ADCY5: variants seen among roughly 807,000 people sequenced by gnomAD.
ADCY5 encodes adenylate cyclase 5.
ADCY5 carries 30 observed loss-of-function variants against 119.7 expected under a neutral mutation model. The ratio of observed to expected loss-of-function variants is 0.25; its 90% CI spans 0.19 to 0.34. The LOEUF is 0.34. ADCY5 is among the 10% of genes least tolerant of loss of function. The pLI, the probability that ADCY5 is intolerant of heterozygous loss-of-function variation, is 1.00. For synonymous variants in ADCY5, 753 were observed against 762.2 expected (o/e 0.99, Z 0.20); for missense variants, 1,324 against 1,775.2 (o/e 0.75, Z 4.57).
intron 12 of ADCY5, among the ~76,000 whole-genome samples, chr3:123,308,816 G>A (rs934498699): frequency 7.7e-6 from 1 of 129,992 alleles, no homozygotes; most frequent in South Asian, 2.5e-4. Context: ...GCAACAGAGC[G>A]AGACTCTGTC....
chr3:123,407,822 T>G (rs776619270), intron 1 of ADCY5, among the ~76,000 whole-genome samples: 6 of 124,374 alleles, frequency 4.8e-5, no homozygotes, highest in Admixed American at 1.6e-4. Flanking sequence ...TACATATTGT[T>G]ATGATTCCAC....
chr3:123,353,310 T>TA (rs1427990534), intron 1 of ADCY5, among the ~76,000 whole-genome samples: 6 of 152,168 alleles, frequency 3.9e-5, no homozygotes, highest in African/African-American at 1.2e-4. Context: ...AGGGAATACT[T>TA]ACTGAAAAGC....
In ADCY5 at chr3:123,436,695, G is replaced by T. The variant is rs369889354; in HGVS notation, c.1134+10717C>A. ...CACTCCAGCCTGGGTGACAAAGCAAGACTCCATCTCAAAAAATAATAATAA... is the reference window on the plus strand; with the variant it reads ...CACTCCAGCCTGGGTGACAAAGCAATACTCCATCTCAAAAAATAATAATAA... On this transcript the variant is annotated intron_variant, in intron 1 of 20. Coordinates refer to ENST00000462833, the MANE Select transcript of ADCY5 (RefSeq NM_183357.3). 3.7e-4 allele frequency among the ~76,000 whole-genome samples: 57 copies of T among 152,212 alleles called. 1 individual carries two copies. The highest frequency in any genetic ancestry group is 1.3e-3 in the African/African-American group (53 of 41,526).
intron 1 of ADCY5, among the ~76,000 whole-genome samples, chr3:123,425,458 T>G (rs1945386922): frequency 6.6e-6 from 1 of 152,134 alleles, no homozygotes; most frequent in Non-Finnish European, 1.5e-5. Context: ...GGTCTGTGGG[T>G]GGTTTCATTG....
intron 1 of ADCY5, among the ~76,000 whole-genome samples, chr3:123,421,192 T>C (rs952101611): frequency 6.6e-6 from 1 of 152,238 alleles, no homozygotes; most frequent in Non-Finnish European, 1.5e-5. Flanking sequence ...AGGTGCTTAT[T>C]GTTCTGTTGA....
intron 1 of ADCY5, among the ~76,000 whole-genome samples, chr3:123,431,996 T>C (rs1263316194): frequency 1.3e-5 from 2 of 152,164 alleles, no homozygotes; most frequent in Non-Finnish European, 2.9e-5. Context: ...CCGACGTACC[T>C]GGGCACCGGG....
chr3:123,367,627 CGT>C (rs1943492066), intron 1 of ADCY5, among the ~76,000 whole-genome samples: 1 of 151,984 alleles, frequency 6.6e-6, no homozygotes, highest in Non-Finnish European at 1.5e-5. Context: ...TGGTGCCAGC[CGT>C]GTAGGTGGAG....
At chr3:123,415,355 G>A (rs1288346823) in intron 1 of ADCY5, among the ~76,000 whole-genome samples, 6 of 152,110 alleles carry the variant, frequency 3.9e-5, no homozygotes, top group African/African-American at 1.4e-4. Flanking sequence ...CCACCTCCAC[G>A]CCAGAGCCAG....
chr3:123,384,394 C>A (rs1413435948), intron 1 of ADCY5, among the ~76,000 whole-genome samples: 1 of 152,204 alleles, frequency 6.6e-6, no homozygotes, highest in Non-Finnish European at 1.5e-5. Flanking sequence ...ATGACTGAGT[C>A]GCCCTGGGTC....
intron 1 of ADCY5, among the ~76,000 whole-genome samples, chr3:123,383,495 T>C (rs1292868769): frequency 5.9e-5 from 9 of 152,152 alleles, no homozygotes; most frequent in Non-Finnish European, 1.3e-4. Context: ...AATGTGAAGA[T>C]GCTCACAGCT....
chr3:123,347,334 G>A (rs189064297), intron 3 of ADCY5, among the ~76,000 whole-genome samples: 1 of 152,276 alleles, frequency 6.6e-6, no homozygotes, highest in Admixed American at 6.5e-5. Context: ...GCTGTCAGGA[G>A]GACTGGTGAT....
chr3:123,358,557 ACC>A (rs1943126662), intron 1 of ADCY5, among the ~76,000 whole-genome samples: 1 of 152,168 alleles, frequency 6.6e-6, no homozygotes, highest in Non-Finnish European at 1.5e-5. Context: ...CTATGACCAT[ACC>A]ACTGCACTCT....
chr3:123,407,589 T>A (rs1268464254), intron 1 of ADCY5, among the ~76,000 whole-genome samples: 69 of 94,108 alleles, frequency 7.3e-4, no homozygotes, highest in East Asian at 9.8e-4. Context: ...CTATCTCTAC[T>A]AAAAAAAAAA....
intron 1 of ADCY5, among the ~76,000 whole-genome samples, chr3:123,406,515 G>A (rs1217305636): frequency 6.6e-6 from 1 of 152,234 alleles, no homozygotes; most frequent in Non-Finnish European, 1.5e-5. Context: ...GGCAGTCACA[G>A]AGATTATTGT....
chr3:123,418,681 C>T (rs1945236502), intron 1 of ADCY5: 1 of 152,236 alleles, frequency 6.6e-6, no homozygotes, highest in African/African-American at 2.4e-5. Flanking sequence ...GACCCACACA[C>T]CTTCCACTAG....
intron 1 of ADCY5, among the ~76,000 whole-genome samples, chr3:123,363,143 GA>G (rs58854772): frequency 0.14 from 7,174 of 50,038 alleles, 370 homozygotes; most frequent in East Asian, 0.32. Flanking sequence ...ATTCCTTCTT[GA>G]AAAAAAAAAA....
chr3:123,393,655 T>C (rs771711777), intron 1 of ADCY5, among the ~76,000 whole-genome samples: 18 of 152,162 alleles, frequency 1.2e-4, no homozygotes, highest in Non-Finnish European at 2.4e-4. Flanking sequence ...ATGTGCAAAG[T>C]GCCCATATGG....
intron 1 of ADCY5, among the ~76,000 whole-genome samples, chr3:123,372,171 G>T (rs1266963847): frequency 2.0e-5 from 3 of 152,020 alleles, no homozygotes; most frequent in Admixed American, 6.5e-5. Context: ...ACCTCAATTT[G>T]CCCCATGTTC....
At chr3:123,294,710 C>T (rs1056323277) in intron 17 of ADCY5, among the ~76,000 whole-genome samples, 3 of 152,168 alleles carry the variant, frequency 2.0e-5, no homozygotes, top group Non-Finnish European at 4.4e-5. Flanking sequence ...GGACCAGCAT[C>T]GGGACAGTCG....
Sources: allele counts gnomAD v4.1 joint callset (sites outside exome capture counted in the v4.1 genomes callset), GRCh38; gene constraint gnomAD v4.1.1; transcripts MANE v1.5; gene names NCBI Gene and HGNC (gene_info 2026-07-23, HGNC 2026-07-21).